The following DPY19L2 variants were observed in gnomAD, a reference collection of about 807,000 sequenced individuals.
DPY19L2 encodes probable C-mannosyltransferase DPY19L2.
Under a neutral mutation model 97.9 loss-of-function variants are expected in DPY19L2, and 34 were observed. The ratio of observed to expected loss-of-function variants is 0.35; its 90% CI spans 0.26 to 0.46. DPY19L2 has a LOEUF of 0.46. Among genes scored for constraint, DPY19L2 ranks in the 20% least tolerant of loss-of-function variants. The pLI, the probability that DPY19L2 is intolerant of heterozygous loss-of-function variation, is 1.00. For synonymous variants in DPY19L2, 230 were observed against 307.9 expected (o/e 0.75, Z 2.65); for missense variants, 623 against 911.4 (o/e 0.68, Z 4.07).
intron 6 of DPY19L2, among the ~76,000 whole-genome samples, chr12:63,635,352 A>G (rs530747139): frequency 6.6e-5 from 10 of 152,308 alleles, no homozygotes; most frequent in South Asian, 4.1e-4. Flanking sequence ...AAAAAAGCTG[A>G]AAATTCTAAA....
chr12:63,650,863 T>C (rs1303953741), intron 4 of DPY19L2, among the ~76,000 whole-genome samples: 1 of 152,032 alleles, frequency 6.6e-6, no homozygotes, highest in Admixed American at 6.5e-5. Context: ...TGGATACTCC[T>C]TCAACATAAA....
chr12:63,668,631 C>G (rs999059077), upstream of DPY19L2: 1 of 529,996 alleles, frequency 1.9e-6, no homozygotes, highest in African/African-American at 1.9e-5. Context: ...GCAGCACCCC[C>G]GCCTCTGCGC....
intron 18 of DPY19L2, among the ~76,000 whole-genome samples, chr12:63,581,565 C>G (rs1880924503): frequency 6.9e-6 from 1 of 145,596 alleles, no homozygotes; most frequent in Non-Finnish European, 1.5e-5. Flanking sequence ...CTCACTTCGA[C>G]CTCCACTTCC....
At chr12:63,648,670 C>G (rs888538871) in intron 4 of DPY19L2, among the ~76,000 whole-genome samples, 4 of 151,900 alleles carry the variant, frequency 2.6e-5, no homozygotes, top group African/African-American at 9.7e-5. Context: ...TCAGATGATC[C>G]TGAAAGCAAC....
intron 6 of DPY19L2, among the ~76,000 whole-genome samples, chr12:63,628,367 C>T (rs1215531437): frequency 6.6e-6 from 1 of 152,186 alleles, no homozygotes; most frequent in African/African-American, 2.4e-5. Context: ...CACTCCTACC[C>T]TAACAGTGCG....
intron 6 of DPY19L2, among the ~76,000 whole-genome samples, chr12:63,631,839 A>G (rs187540592): frequency 1.7e-3 from 262 of 152,278 alleles, no homozygotes; most frequent in African/African-American, 5.6e-3. Context: ...AACCGAATCC[A>G]GCAGCACATC....
intron 21 of DPY19L2, among the ~76,000 whole-genome samples, chr12:63,564,922 G>A (rs911598594): frequency 6.6e-6 from 1 of 152,070 alleles, no homozygotes; most frequent in African/African-American, 2.4e-5. Flanking sequence ...GTGCATAAAT[G>A]TTCAGGGTTG....
rs1896600963 is a variant in DPY19L2, at chr12:63,668,456, C to G, written c.-63G>C. 7 of 1,454,338 alleles carry G rather than the reference C, an allele frequency of 4.8e-6. No individual in the cohort carries two copies. Among genetic ancestry groups the G allele is most frequent in the Non-Finnish European group, 6.4e-6 (7 of 1,096,720 alleles). The allele number at this position is 1,454,338 out of a possible 1,614,324, so 90.1% of individuals were successfully genotyped here. A position where few individuals can be genotyped will look rare whatever the true frequency, so the allele number is the denominator to read the frequency against. On this transcript the variant is annotated 5_prime_UTR_variant, in exon 1 of 22. Transcript: ENST00000324472. ...ACAGCCCAGCCGAGTCAGGCGAGGTCCAGAGAGACCTGACTCGCCTGGCAG... is the reference window on the plus strand; with the variant it reads ...ACAGCCCAGCCGAGTCAGGCGAGGTGCAGAGAGACCTGACTCGCCTGGCAG...
chr12:63,631,714 G>T (rs76149929), intron 6 of DPY19L2, among the ~76,000 whole-genome samples: 1 of 152,006 alleles, frequency 6.6e-6, no homozygotes, highest in Non-Finnish European at 1.5e-5. Context: ...ACTCATTTTA[G>T]GAGGCCAGCA....
intron 11 of DPY19L2, among the ~76,000 whole-genome samples, chr12:63,611,119 T>G (rs1227289476): frequency 2.0e-5 from 3 of 151,788 alleles, no homozygotes; most frequent in Non-Finnish European, 2.9e-5. Context: ...GTAGAAAAAT[T>G]GGAATGCTTA....
chr12:63,565,966 CATCT>C (rs940813608), intron 21 of DPY19L2, among the ~76,000 whole-genome samples: 1 of 152,092 alleles, frequency 6.6e-6, no homozygotes, highest in African/African-American at 2.4e-5. Flanking sequence ...TTTGTCTTAA[CATCT>C]ATCTTCTCTG....
intron 12 of DPY19L2, among the ~76,000 whole-genome samples, chr12:63,602,599 G>C (rs60295447): frequency 1.3e-5 from 2 of 152,092 alleles, no homozygotes; most frequent in Non-Finnish European, 2.9e-5. Flanking sequence ...CTAACTCAAG[G>C]CATCTTTCAG....
intron 21 of DPY19L2, among the ~76,000 whole-genome samples, chr12:63,563,373 T>C (rs1471180785): frequency 6.6e-6 from 1 of 152,318 alleles, no homozygotes; most frequent in African/African-American, 2.4e-5. Flanking sequence ...TTTTCTTCCA[T>C]ATTTTCTTCC....
intron 6 of DPY19L2, among the ~76,000 whole-genome samples, chr12:63,630,809 A>G (rs534403252): frequency 6.6e-6 from 1 of 152,312 alleles, no homozygotes; most frequent in Admixed American, 6.5e-5. Flanking sequence ...TTAACCACAT[A>G]GTTGGAAGTA....
At chr12:63,637,577 T>C (rs1270353899) in intron 6 of DPY19L2, among the ~76,000 whole-genome samples, 1 of 152,122 alleles carries the variant, frequency 6.6e-6, no homozygotes, top group Non-Finnish European at 1.5e-5. Context: ...GAGAATTCTA[T>C]AAACACCTCT....
intron 16 of DPY19L2, among the ~76,000 whole-genome samples, chr12:63,584,770 A>G (rs1289353494): frequency 6.6e-5 from 10 of 152,210 alleles, no homozygotes; most frequent in Non-Finnish European, 1.2e-4. Context: ...AGATATGCCA[A>G]AGAGAAGCTG....
intron 19 of DPY19L2, among the ~76,000 whole-genome samples, chr12:63,574,354 A>G (rs1338193844): frequency 6.6e-6 from 1 of 152,036 alleles, no homozygotes; most frequent in Non-Finnish European, 1.5e-5. Flanking sequence ...ATAAACTAAA[A>G]CACACCACCA....
At chr12:63,561,677 C>T (rs1239887319) in intron 21 of DPY19L2, among the ~76,000 whole-genome samples, 1 of 151,062 alleles carries the variant, frequency 6.6e-6, no homozygotes, top group Non-Finnish European at 1.5e-5. Flanking sequence ...TATCCATTTG[C>T]AAGTTAATGA....
chr12:63,592,849 G>T (rs1028397702), intron 16 of DPY19L2, among the ~76,000 whole-genome samples: 1 of 152,018 alleles, frequency 6.6e-6, no homozygotes, highest in Non-Finnish European at 1.5e-5. Context: ...AGAGTCAACA[G>T]GCAACCTACA....
Sources: gnomAD v4.1 joint callset for allele counts (sites outside exome capture counted in the v4.1 genomes callset) on GRCh38, gnomAD v4.1.1 for gene constraint, MANE v1.5 for transcripts, NCBI Gene and HGNC (gene_info 2026-07-23, HGNC 2026-07-21) for gene names.